PSG5: variants seen among roughly 807,000 people sequenced by gnomAD.
PSG5 encodes pregnancy-specific beta-1-glycoprotein 5.
A neutral mutation model predicts 37.7 loss-of-function variants in PSG5; 53 were observed. The observed-to-expected ratio is 1.41, with a 90% CI of 1.13 to 1.77. The LOEUF (loss-of-function observed/expected upper bound fraction) is 1.77, where lower values mean the gene tolerates loss of function less well. PSG5 is among the 40% of genes most tolerant of loss of function. The probability of loss-of-function intolerance (pLI) is 0.00; values close to 1 mark genes in which losing one functional copy is unlikely to be tolerated. For synonymous variants in PSG5, 221 were observed against 155.4 expected, an observed-to-expected ratio of 1.42 and a Z score of -3.14; for missense variants, 547 against 405.2, an observed-to-expected ratio of 1.35 and a Z score of -3.00.
rs1969051864 is a variant in PSG5, at chr19:43,178,212, A to T, written c.431-2064T>A. Among the ~76,000 whole-genome samples, 4 of 151,636 alleles carry T rather than the reference A, an allele frequency of 2.6e-5. No homozygotes were observed. In the South Asian group the frequency reaches 8.3e-4, roughly 31 times the overall value. ...CTGGAAAACATATTGCCAATGCTCC[A>T]GGGATCCACTTACCAGGGACTATGA... is the stretch of plus-strand genomic sequence containing the variant. On this transcript the variant is annotated intron_variant, in intron 2 of 5. Coordinates refer to ENST00000342951, the MANE Select transcript of PSG5 (RefSeq NM_002781.4).
chr19:43,174,700 G>A, intron 4 of PSG5: 2 of 994,372 alleles, frequency 2.0e-6, no homozygotes, highest in Non-Finnish European at 2.4e-6. Flanking sequence ...CCCAGGTTGA[G>A]TGAGGCAGGC....
At chr19:43,177,145 G>A (rs1209075443) in intron 2 of PSG5, among the ~76,000 whole-genome samples, 1 of 151,596 alleles carries the variant, frequency 6.6e-6, no homozygotes, top group Non-Finnish European at 1.5e-5. Flanking sequence ...CCTCATGTAA[G>A]TGGATTCCAG....
At position 43,185,317 on chromosome 19, in the gene PSG5, GT is replaced by G. The variant is rs1362899814; in HGVS notation, c.65-171del. Reference sequence around the variant, plus strand: ...TGTTAGTTTGTGTGTGTGTATGTGTGTGTGTCCTACTGTCCTACTAGGTCAA... The same window carrying G: ...TGTTAGTTTGTGTGTGTGTATGTGTGGTGTCCTACTGTCCTACTAGGTCAA... On this transcript the variant is annotated intron_variant, in intron 1 of 5. Coordinates refer to ENST00000342951, the MANE Select transcript of PSG5 (RefSeq NM_002781.4). 2.0e-5 allele frequency among the ~76,000 whole-genome samples: 3 copies of G among 151,170 alleles called. 1 individual carries two copies. Among genetic ancestry groups the G allele is most frequent in the Non-Finnish European group, 4.4e-5 (3 of 67,758 alleles).
chr19:43,182,757 A>G (rs1187008958), intron 2 of PSG5, among the ~76,000 whole-genome samples: 5 of 129,938 alleles, frequency 3.8e-5, no homozygotes, highest in Non-Finnish European at 1.6e-5. Flanking sequence ...CCTGGCAATT[A>G]TGAATGGATG....
Position 43,175,188 on chromosome 19 carries a change from T to C in PSG5, c.964+27A>G, listed in dbSNP as rs776933115. 11 of 1,612,260 alleles carry C rather than the reference T, an allele frequency of 6.8e-6. No individual in the cohort carries two copies. In the South Asian group the frequency reaches 7.7e-5, roughly 11 times the overall value. Reference sequence around the variant, plus strand: ...CAGGTAGACTCCACCTAAAACCCTATTGCCAAGGATGCTGGGATCCACTTA... The same window carrying C: ...CAGGTAGACTCCACCTAAAACCCTACTGCCAAGGATGCTGGGATCCACTTA... On this transcript the variant is annotated intron_variant, in intron 4 of 5. Coordinates refer to ENST00000342951, the MANE Select transcript of PSG5 (RefSeq NM_002781.4).
intron 5 of PSG5, among the ~76,000 whole-genome samples, chr19:43,169,580 T>G (rs139626261): frequency 0.016 from 2,441 of 151,600 alleles, 76 homozygotes; most frequent in South Asian, 0.028. Context: ...ATAGAAGAAA[T>G]GTGAACTTAT....
chr19:43,180,885 G>A lies in PSG5; in HGVS notation c.430+3897C>T, dbSNP rs1444730545. Reference sequence around the variant, plus strand: ...GGAAGGATGCCAAATTAAAAGAAGTGATGTGTGTTATGTTAGTAAATATAG... The same window carrying A: ...GGAAGGATGCCAAATTAAAAGAAGTAATGTGTGTTATGTTAGTAAATATAG... On this transcript the variant is annotated intron_variant, in intron 2 of 5. Coordinates refer to ENST00000342951, the MANE Select transcript of PSG5 (RefSeq NM_002781.4). 1.3e-5 allele frequency among the ~76,000 whole-genome samples: 2 copies of A among 151,512 alleles called. 1 individual carries two copies. The highest frequency in any genetic ancestry group is 1.3e-4 in the Admixed American group (2 of 15,154).
intron 2 of PSG5, 67 bp from the exon 3 acceptor site, chr19:43,176,215 A>T: frequency 4.4e-6 from 7 of 1,579,840 alleles, no homozygotes; most frequent in Non-Finnish European, 5.2e-6. Flanking sequence ...GCATCCTTCA[A>T]TCAGAGTTGG....
chr19:43,184,198 G>A (rs1969193242), intron 2 of PSG5, among the ~76,000 whole-genome samples: 1 of 151,696 alleles, frequency 6.6e-6, no homozygotes. Context: ...TGAGTGTCAG[G>A]TGAAGAAAGC....
intron 2 of PSG5, chr19:43,183,552 C>A (rs1021652720): frequency 1.0e-5 from 5 of 498,426 alleles, no homozygotes; most frequent in African/African-American, 4.0e-5. Context: ...CACAGGATTT[C>A]AGGTTCAGTG....
chr19:43,167,923 A>C lies in PSG5; in HGVS notation c.*321T>G, dbSNP rs1345098751. On this transcript the variant is annotated 3_prime_UTR_variant, in exon 6 of 6. Transcript: ENST00000342951. ...ATCTGGAGAATAAAACATTCAAAGA[A>C]TCAGCACATTTTCAAATAGAAAATT... The C allele has an allele frequency of 1.0e-5, 4 of 384,140 alleles. No individual in the cohort carries two copies. The highest frequency in any genetic ancestry group is 2.1e-5 in the African/African-American group (1 of 47,590). The allele number at this position is 384,140 out of a possible 1,614,324, so 23.8% of individuals were successfully genotyped here. A position where few individuals can be genotyped will look rare whatever the true frequency, so the allele number is the denominator to read the frequency against.
In PSG5 at chr19:43,180,974, G is replaced by A. The variant is rs1198199693; in HGVS notation, c.430+3808C>T. 4.6e-5 allele frequency among the ~76,000 whole-genome samples: 7 copies of A among 151,668 alleles called. 1 individual carries two copies. The highest frequency in any genetic ancestry group is 1.7e-4 in the African/African-American group (7 of 41,156). Reference sequence around the variant, plus strand: ...AAAAATGGGGAGGACCCCAAAACAGGTATGTGAAATGCTTTCTTCATTTTC... The same window carrying A: ...AAAAATGGGGAGGACCCCAAAACAGATATGTGAAATGCTTTCTTCATTTTC... On this transcript the variant is annotated intron_variant, in intron 2 of 5. Transcript: ENST00000342951.
Position 43,186,479 on chromosome 19 carries a change from G to C in PSG5, c.-74C>G. 1 of 1,597,106 alleles carries C rather than the reference G, an allele frequency of 6.3e-7. No individual in the cohort carries two copies. Among genetic ancestry groups the C allele is most frequent in the Non-Finnish European group, 8.6e-7 (1 of 1,169,574 alleles). On this transcript the variant is annotated 5_prime_UTR_variant, in exon 1 of 6. Coordinates refer to ENST00000342951, the MANE Select transcript of PSG5 (RefSeq NM_002781.4). Reference sequence around the variant, plus strand: ...AGAAACTTCCTGAGCACGGCTGTAGGCTGTGCTGTCCTTCCTCCTTCTGTG... The same window carrying C: ...AGAAACTTCCTGAGCACGGCTGTAGCCTGTGCTGTCCTTCCTCCTTCTGTG...
chr19:43,179,414 A>G (rs1161628008), intron 2 of PSG5, among the ~76,000 whole-genome samples: 1 of 151,668 alleles, frequency 6.6e-6, no homozygotes, highest in African/African-American at 2.4e-5. Flanking sequence ...GGAAAGACAC[A>G]GGACCAGCAG....
At chr19:43,180,667 A>G (rs546768441) in intron 2 of PSG5, 2 of 151,802 alleles carry the variant, frequency 1.3e-5, no homozygotes, top group East Asian at 1.9e-4. Flanking sequence ...TGATGATCCA[A>G]ACATCTAAGA....
At chr19:43,186,275 T>A in intron 1 of PSG5, 67 bp downstream of exon 1, 1 of 1,607,370 alleles carries the variant, frequency 6.2e-7, no homozygotes, top group Non-Finnish European at 8.5e-7. Context: ...CCCCATCCTC[T>A]CCAGGAGACC....
chr19:43,176,875 C>T (rs1260264922), intron 2 of PSG5, among the ~76,000 whole-genome samples: 1 of 150,844 alleles, frequency 6.6e-6, no homozygotes, highest in Non-Finnish European at 1.5e-5. Flanking sequence ...AACCATGTTC[C>T]CTGTCCTGGG....
intron 2 of PSG5, among the ~76,000 whole-genome samples, chr19:43,184,559 C>T (rs1310656628): frequency 6.6e-6 from 1 of 151,576 alleles, no homozygotes; most frequent in Admixed American, 6.6e-5. Flanking sequence ...TCAGACTGTC[C>T]TTCCTCTGCA....
chr19:43,179,321 C>T (rs144162055), intron 2 of PSG5, among the ~76,000 whole-genome samples: 2,212 of 151,370 alleles, frequency 0.015, 114 homozygotes, highest in African/African-American at 0.046. Flanking sequence ...AATCTGAGAG[C>T]TCAGAGATTG....
Sources: gnomAD v4.1 joint callset for allele counts (sites outside exome capture counted in the v4.1 genomes callset) on GRCh38, gnomAD v4.1.1 for gene constraint, MANE v1.5 for transcripts, NCBI Gene and HGNC (gene_info 2026-07-23, HGNC 2026-07-21) for gene names.